The following FBXO21 variants were observed in gnomAD, a reference collection of about 807,000 sequenced individuals.
FBXO21 encodes F-box only protein 21.
FBXO21 carries 32 observed loss-of-function variants against 76.6 expected under a neutral mutation model. The ratio of observed to expected loss-of-function variants is 0.42; its 90% CI spans 0.32 to 0.56. The LOEUF (loss-of-function observed/expected upper bound fraction) is 0.56, where lower values mean the gene tolerates loss of function less well. FBXO21 is among the 20% of genes least tolerant of loss of function. The pLI, the probability that FBXO21 is intolerant of heterozygous loss-of-function variation, is 0.16. For missense variants in FBXO21, 586 were observed against 797.3 expected, an observed-to-expected ratio of 0.73 and a Z score of 3.19; for synonymous variants, 328 against 311.5, an observed-to-expected ratio of 1.05 and a Z score of -0.56.
At chr12:117,162,840 C>A (rs1955998675) in intron 9 of FBXO21, among the ~76,000 whole-genome samples, 1 of 152,162 alleles carries the variant, frequency 6.6e-6, no homozygotes, top group African/African-American at 2.4e-5. Context: ...GGCGCCACAC[C>A]CTCCCACCCC....
chr12:117,169,615 A>G (rs1044188554), intron 7 of FBXO21, among the ~76,000 whole-genome samples: 1 of 152,168 alleles, frequency 6.6e-6, no homozygotes, highest in Non-Finnish European at 1.5e-5. Context: ...CAAAGTAGGA[A>G]TTTAGATGGT....
chr12:117,186,344 T>C, intron 3 of FBXO21, 133 bp downstream of exon 3: 1 of 688,826 alleles, frequency 1.5e-6, no homozygotes, highest in Non-Finnish European at 2.5e-6. Flanking sequence ...ACACAGAACT[T>C]TTCAAAACTG....
chr12:117,147,289 GGAA>G (rs1955783666), intron 11 of FBXO21, among the ~76,000 whole-genome samples: 1 of 79,302 alleles, frequency 1.3e-5, no homozygotes, highest in African/African-American at 5.6e-5. Context: ...CTGAAAAAAT[GGAA>G]AAAAAAAAAA....
At chr12:117,153,711 G>A (rs1199400612) in intron 11 of FBXO21, among the ~76,000 whole-genome samples, 1 of 152,266 alleles carries the variant, frequency 6.6e-6, no homozygotes, top group Non-Finnish European at 1.5e-5. Flanking sequence ...ACACAGCGCT[G>A]ATGGAGCCGC....
chr12:117,186,354 G>T (rs190469773), intron 3 of FBXO21, 123 bp downstream of exon 3: 1 of 712,002 alleles, frequency 1.4e-6, no homozygotes, highest in East Asian at 2.6e-5. Flanking sequence ...TTTCAAAACT[G>T]TAACTATGAC....
intron 4 of FBXO21, 120 bp from the exon 5 acceptor site, chr12:117,174,917 A>G: frequency 9.8e-7 from 1 of 1,017,180 alleles, no homozygotes. Flanking sequence ...GACAAGCTTC[A>G]TGTTTTGGCC....
intron 11 of FBXO21, among the ~76,000 whole-genome samples, chr12:117,149,562 G>A (rs1054299056): frequency 6.6e-6 from 1 of 152,204 alleles, no homozygotes; most frequent in African/African-American, 2.4e-5. Flanking sequence ...GACATGTTTG[G>A]TTGTAACTGA....
At chr12:117,170,282 T>G (rs1156499269) in intron 7 of FBXO21, among the ~76,000 whole-genome samples, 1 of 152,130 alleles carries the variant, frequency 6.6e-6, no homozygotes, top group Non-Finnish European at 1.5e-5. Flanking sequence ...GAAAGACTGA[T>G]AGTGAGACAT....
intron 8 of FBXO21, 80 bp from the exon 9 acceptor site, chr12:117,165,697 A>T (rs1956046477): frequency 2.2e-6 from 3 of 1,389,476 alleles, no homozygotes; most frequent in Non-Finnish European, 2.9e-6. Context: ...CCAGGTTTTA[A>T]ATATAATTGA....
At chr12:117,157,766 C>A in intron 10 of FBXO21, 107 bp downstream of exon 10, 1 of 928,940 alleles carries the variant, frequency 1.1e-6, no homozygotes. Flanking sequence ...GATAAGTGAT[C>A]CAGTCAGCTC....
At chr12:117,163,807 G>A (rs996616432) in intron 9 of FBXO21, among the ~76,000 whole-genome samples, 4 of 151,946 alleles carry the variant, frequency 2.6e-5, no homozygotes, top group African/African-American at 4.8e-5. Flanking sequence ...TTAGTCAGGC[G>A]TGGTGGTGTA....
intron 11 of FBXO21, 64 bp downstream of exon 11, chr12:117,155,727 G>C (rs1955907555): frequency 6.5e-7 from 1 of 1,530,060 alleles, no homozygotes; most frequent in African/African-American, 1.4e-5. Context: ...CCTACCCGAG[G>C]GCTCAAACGT....
intron 4 of FBXO21, among the ~76,000 whole-genome samples, chr12:117,176,166 A>G (rs1027953917): frequency 6.6e-6 from 1 of 152,232 alleles, no homozygotes; most frequent in Non-Finnish European, 1.5e-5. Flanking sequence ...CTTAGGGACT[A>G]GTTACAGAAA....
chr12:117,174,685 T>A lies in FBXO21; in HGVS notation c.705A>T (p.Ile235=). The change falls in exon 5 of 12, where the codon ATA becomes ATT. Residue 235 remains isoleucine (I), a synonymous_variant. Transcript: ENST00000622495. ...VELVCKTLRG[I]NSRHPSLAFK... ...AGGCCAAGCTGGGGTGGCGACTGTTTATGCCCCGAAGGGTTTTGCAAACAA... is the reference window on the plus strand; with the variant it reads ...AGGCCAAGCTGGGGTGGCGACTGTTAATGCCCCGAAGGGTTTTGCAAACAA... 6.2e-7 allele frequency: 1 copy of A among 1,614,194 alleles called. No homozygotes were observed. The highest frequency in any genetic ancestry group is 8.5e-7 in the Non-Finnish European group (1 of 1,180,026).
intron 11 of FBXO21, among the ~76,000 whole-genome samples, chr12:117,151,644 A>C (rs1451240471): frequency 6.6e-6 from 1 of 152,232 alleles, no homozygotes; most frequent in African/African-American, 2.4e-5. Context: ...ACTGGCTAAA[A>C]ATGGGCAAAT....
At chr12:117,170,199 G>C (rs1473485977) in intron 7 of FBXO21, among the ~76,000 whole-genome samples, 1 of 144,244 alleles carries the variant, frequency 6.9e-6, no homozygotes, top group African/African-American at 2.6e-5. Flanking sequence ...CAAGATGTTA[G>C]CTTGATGAAG....
chr12:117,143,815 G>A lies in FBXO21; in HGVS notation c.*2272C>T, dbSNP rs1017303846. On this transcript the variant is annotated 3_prime_UTR_variant, in exon 12 of 12. Coordinates refer to ENST00000622495, the MANE Select transcript of FBXO21 (RefSeq NM_015002.3). ...GGATAAGTTCCATTTATTAATCATT[G>A]TACAAAAAAATCTTGGCATTCATTT... 16 of 152,514 alleles carry A rather than the reference G, an allele frequency of 1.0e-4. No individual in the cohort carries two copies. The highest frequency in any genetic ancestry group is 2.4e-4 in the Non-Finnish European group (16 of 68,018). The allele number at this position is 152,514 out of a possible 1,614,324, so 9.4% of individuals were successfully genotyped here.
chr12:117,147,290 G>GA (rs144755940), intron 11 of FBXO21, among the ~76,000 whole-genome samples: 4,691 of 85,008 alleles, frequency 0.055, 418 homozygotes, highest in African/African-American at 0.2. Context: ...TGAAAAAATG[G>GA]AAAAAAAAAA....
At chr12:117,165,267 G>A (rs1956040475) in intron 9 of FBXO21, among the ~76,000 whole-genome samples, 1 of 152,060 alleles carries the variant, frequency 6.6e-6, no homozygotes, top group Non-Finnish European at 1.5e-5. Flanking sequence ...GGTTTAAGGA[G>A]CTGACCACAA....
Sources: gnomAD v4.1 joint callset for allele counts (sites outside exome capture counted in the v4.1 genomes callset) on GRCh38, gnomAD v4.1.1 for gene constraint, MANE v1.5 for transcripts, NCBI Gene and HGNC (gene_info 2026-07-23, HGNC 2026-07-21) for gene names.